Variants in CTNND1 observed in about 807,000 individuals in gnomAD.
The protein encoded by CTNND1 is catenin delta-1.
In CTNND1, 16 loss-of-function variants were observed where a neutral mutation model predicts 112.1. The ratio of observed to expected loss-of-function variants is 0.14; its 90% CI spans 0.10 to 0.22. The LOEUF (loss-of-function observed/expected upper bound fraction) is 0.22. CTNND1 is among the 10% of genes least tolerant of loss of function. The probability of loss-of-function intolerance (pLI) is 1.00; values close to 1 mark genes in which losing one functional copy is unlikely to be tolerated. For missense variants in CTNND1, 1,008 were observed against 1,257.0 expected, an observed-to-expected ratio of 0.80 and a Z score of 3.00; for synonymous variants, 420 against 446.5, an observed-to-expected ratio of 0.94 and a Z score of 0.75.
chr11:57,799,203 G>T (rs1426439851), intron 6 of CTNND1, among the ~76,000 whole-genome samples: 2 of 152,122 alleles, frequency 1.3e-5, no homozygotes, highest in Non-Finnish European at 1.5e-5. Context: ...ATTCCTACAG[G>T]AGCACCAGAC....
Position 57,814,312 on chromosome 11 carries a change from T to C in CTNND1, c.2640T>C (p.Asp880=). 5.6e-6 allele frequency: 9 copies of C among 1,610,548 alleles called. No individual in the cohort carries two copies. Among genetic ancestry groups the C allele is most frequent in the Non-Finnish European group, 7.6e-6 (9 of 1,177,942 alleles). Residue 880 remains aspartate, a splice_region_variant and synonymous_variant, in exon 18 of 21, where the codon GAT becomes GAC. Coordinates refer to ENST00000399050, the MANE Select transcript of CTNND1 (RefSeq NM_001085458.2). Reference sequence around the variant, plus strand: ...GGATAACTTTCTGACTTCATACAGATAAGAAACCTGATCGGGAAGAAATTC... The same window carrying C: ...GGATAACTTTCTGACTTCATACAGACAAGAAACCTGATCGGGAAGAAATTC... The part of the protein sequence containing the change: ...LPLIDRNQKS[D]KKPDREEIQM...
At chr11:57,777,821 C>G (rs1201166434) in intron 1 of CTNND1, among the ~76,000 whole-genome samples, 1 of 152,136 alleles carries the variant, frequency 6.6e-6, no homozygotes, top group East Asian at 1.9e-4. Flanking sequence ...GCCCTTTGGG[C>G]AAAGGGTGTT....
intron 6 of CTNND1, among the ~76,000 whole-genome samples, chr11:57,798,599 A>G (rs1195766518): frequency 6.6e-6 from 1 of 152,104 alleles, no homozygotes; most frequent in Non-Finnish European, 1.5e-5. Context: ...AACACTCTGA[A>G]AGGTCACTAA....
At chr11:57,812,793 C>T (rs558008562) in intron 17 of CTNND1, among the ~76,000 whole-genome samples, 20 of 152,106 alleles carry the variant, frequency 1.3e-4, no homozygotes, top group Non-Finnish European at 2.5e-4. Context: ...TTACATCCGG[C>T]GCTCAGCCAC....
In CTNND1 at chr11:57,797,023, C is replaced by T. The variant is rs372838679; in HGVS notation, c.956+31C>T. 11 of 1,418,072 alleles carry T rather than the reference C, an allele frequency of 7.8e-6. No individual in the cohort carries two copies. In the African/African-American group the frequency reaches 1.6e-4, roughly 20 times the overall value. The allele number at this position is 1,418,072 out of a possible 1,614,324, so 87.8% of individuals were successfully genotyped here. A position where few individuals can be genotyped will look rare whatever the true frequency, so the allele number is the denominator to read the frequency against. ...CAAGAATAGGGGAAGAGAAAAGGGT[C>T]TTTCCAAGACCAGGGACAAGGGGTA... On this transcript the variant is annotated intron_variant, in intron 6 of 20. Coordinates refer to ENST00000399050, the MANE Select transcript of CTNND1 (RefSeq NM_001085458.2).
chr11:57,769,571 C>T (rs1028490418), intron 1 of CTNND1, among the ~76,000 whole-genome samples: 4 of 152,170 alleles, frequency 2.6e-5, no homozygotes, highest in African/African-American at 4.8e-5. Flanking sequence ...CTTTCCTGTT[C>T]TCTGTGGTGT....
chr11:57,767,035 G>A (rs796897274), intron 1 of CTNND1, among the ~76,000 whole-genome samples: 11 of 150,918 alleles, frequency 7.3e-5, no homozygotes, highest in East Asian at 5.8e-4. Context: ...GCAGTGGCAC[G>A]ATCTCAGCTC....
At chr11:57,775,020 G>T (rs1167211211) in intron 1 of CTNND1, among the ~76,000 whole-genome samples, 5 of 138,674 alleles carry the variant, frequency 3.6e-5, no homozygotes, top group Middle Eastern at 3.7e-3. Context: ...GCCTATGAGG[G>T]TTTTTTTTTT....
rs1006543878 is a variant in CTNND1, at chr11:57,807,747, T to C, written c.1964-418T>C. Among the ~76,000 whole-genome samples, 3 of 152,062 alleles carry C rather than the reference T, an allele frequency of 2.0e-5. No individual in the cohort carries two copies. In the South Asian group the frequency reaches 6.2e-4, roughly 32 times the overall value. On this transcript the variant is annotated intron_variant, in intron 12 of 20. Transcript: ENST00000399050. ...ATAAAAATTGTAAACGTTTAATCTA[T>C]AATGGACCCTTGTAGTAATCGCAGA...
intron 1 of CTNND1, among the ~76,000 whole-genome samples, chr11:57,781,236 C>T (rs945709380): frequency 1.3e-5 from 2 of 152,058 alleles, no homozygotes; most frequent in African/African-American, 2.4e-5. Context: ...CGCACCTGGC[C>T]GAGAAGCTGC....
At chr11:57,813,687 A>G (rs1264482086) in intron 17 of CTNND1, among the ~76,000 whole-genome samples, 1 of 152,232 alleles carries the variant, frequency 6.6e-6, no homozygotes, top group Non-Finnish European at 1.5e-5. Context: ...CCAACTTTTT[A>G]TCTGTGTGAG....
intron 1 of CTNND1, among the ~76,000 whole-genome samples, chr11:57,765,460 A>ATTTTTTTTTTTTTTTTTTTTTTTTTTTTT (rs5792061): frequency 9.5e-6 from 1 of 105,600 alleles, no homozygotes; most frequent in African/African-American, 3.5e-5. Flanking sequence ...TCCTCCCTTA[A>ATTTTTTTTTTTTTTTTTTTTTTTTTTTTT]TTTTTTTTTT....
chr11:57,782,733 T>A (rs1474910681), intron 1 of CTNND1, among the ~76,000 whole-genome samples: 2 of 152,224 alleles, frequency 1.3e-5, no homozygotes, highest in Admixed American at 1.3e-4. Context: ...TAGGCTAAAC[T>A]TGATTTAACA....
chr11:57,799,116 C>T (rs2061699992), intron 6 of CTNND1, among the ~76,000 whole-genome samples: 1 of 152,136 alleles, frequency 6.6e-6, no homozygotes, highest in Admixed American at 6.5e-5. Flanking sequence ...GGGGTAGAGG[C>T]CCCATTATCT....
chr11:57,780,879 T>C (rs1187024638), intron 1 of CTNND1, among the ~76,000 whole-genome samples: 1 of 152,236 alleles, frequency 6.6e-6, no homozygotes, highest in Non-Finnish European at 1.5e-5. Flanking sequence ...TTTCAAATGA[T>C]GGGCAAAGAG....
At chr11:57,803,884 A>C in intron 8 of CTNND1, 80 bp downstream of exon 8, 1 of 1,150,244 alleles carries the variant, frequency 8.7e-7, no homozygotes, top group East Asian at 2.6e-5. Context: ...AAAAAATTAA[A>C]ATTCTTTAGC....
chr11:57,810,602 GGC>G (rs2063221829), intron 16 of CTNND1, among the ~76,000 whole-genome samples: 1 of 151,996 alleles, frequency 6.6e-6, no homozygotes, highest in African/African-American at 2.4e-5. Context: ...TAGGATTACA[GGC>G]ATGAGCCATC....
chr11:57,808,017 T>C, intron 12 of CTNND1, 148 bp from the exon 13 acceptor site: 1 of 747,694 alleles, frequency 1.3e-6, no homozygotes, highest in Non-Finnish European at 2.0e-6. Flanking sequence ...CTAAGTTTGC[T>C]GTAGAGAGTG....
intron 19 of CTNND1, 39 bp downstream of exon 19, chr11:57,815,539 G>A (rs2063857160): frequency 1.4e-6 from 2 of 1,477,204 alleles, no homozygotes; most frequent in South Asian, 1.1e-5. Flanking sequence ...TCTAAGGCTA[G>A]TTCTATTTTG....
Sources: gnomAD v4.1 joint callset for allele counts (sites outside exome capture counted in the v4.1 genomes callset) on GRCh38, gnomAD v4.1.1 for gene constraint, MANE v1.5 for transcripts, NCBI Gene and HGNC (gene_info 2026-07-23, HGNC 2026-07-21) for gene names.